The following QTMAN variants were observed in gnomAD, a reference collection of about 807,000 sequenced individuals.
The protein encoded by QTMAN is queuosine-tRNA mannosyltransferase, also known as tRNA-queuosine alpha-mannosyltransferase.
the QTMAN span, among the ~76,000 whole-genome samples, chr2:144,082,306 T>C: frequency 3.3e-5 from 5 of 152,218 alleles, no homozygotes; most frequent in African/African-American, 1.2e-4. Context: ...AGCTCAGTGC[T>C]CGTGTGGATG....
the QTMAN span, among the ~76,000 whole-genome samples, chr2:144,134,309 T>A: frequency 6.6e-6 from 1 of 152,182 alleles, no homozygotes; most frequent in African/African-American, 2.4e-5. Flanking sequence ...TATTTCTGTT[T>A]CTAAATTAGT....
chr2:144,039,414 G>A, the QTMAN span, among the ~76,000 whole-genome samples: 4 of 152,064 alleles, frequency 2.6e-5, no homozygotes, highest in African/African-American at 7.2e-5. Flanking sequence ...CTTGGTGAAC[G>A]TTAGGATGAG....
At chr2:144,294,186 T>C in the QTMAN span, among the ~76,000 whole-genome samples, 31 of 152,212 alleles carry the variant, frequency 2.0e-4, no homozygotes, top group Admixed American at 4.6e-4. Flanking sequence ...GTTAAATGAC[T>C]GTATGCATTA....
At chr2:144,196,197 G>A in the QTMAN span, among the ~76,000 whole-genome samples, 1 of 147,232 alleles carries the variant, frequency 6.8e-6, no homozygotes, top group Non-Finnish European at 1.5e-5. Flanking sequence ...ACATGTGCAC[G>A]TGCATGCACA....
At chr2:143,987,441 C>G in the QTMAN span, among the ~76,000 whole-genome samples, 1 of 152,200 alleles carries the variant, frequency 6.6e-6, no homozygotes, top group Non-Finnish European at 1.5e-5. Flanking sequence ...CTAATGGAAT[C>G]CCTCTTTCAA....
chr2:144,092,597 T>C, the QTMAN span, among the ~76,000 whole-genome samples: 5 of 152,214 alleles, frequency 3.3e-5, no homozygotes, highest in Non-Finnish European at 4.4e-5. Flanking sequence ...GCAATAGTTT[T>C]AGTCATTTTG....
chr2:144,004,559 A>C, the QTMAN span, among the ~76,000 whole-genome samples: 1 of 152,062 alleles, frequency 6.6e-6, no homozygotes, highest in Non-Finnish European at 1.5e-5. Context: ...TCTCCTAAAG[A>C]AAATATAGGC....
chr2:144,130,092 GA>G, the QTMAN span, among the ~76,000 whole-genome samples: 12,154 of 118,068 alleles, frequency 0.1, 572 homozygotes, highest in East Asian at 0.19. Context: ...CTAATTTCTG[GA>G]AAAAAAAAAA....
the QTMAN span, among the ~76,000 whole-genome samples, chr2:143,987,637 T>C: frequency 3.3e-5 from 5 of 152,252 alleles, no homozygotes; most frequent in Non-Finnish European, 7.3e-5. Context: ...ATTTGTTTAA[T>C]GTGCTTCCTC....
chr2:143,953,587 T>C, the QTMAN span, among the ~76,000 whole-genome samples: 1,106 of 151,956 alleles, frequency 7.3e-3, 4 homozygotes, highest in Non-Finnish European at 0.013. Context: ...TACGTCACAG[T>C]AGAAGGGTTA....
chr2:143,968,278 T>C, the QTMAN span, among the ~76,000 whole-genome samples: 3 of 152,312 alleles, frequency 2.0e-5, no homozygotes, highest in South Asian at 6.2e-4. Flanking sequence ...TCCCTTCCTG[T>C]GGGCTTCCAC....
the QTMAN span, among the ~76,000 whole-genome samples, chr2:144,146,932 C>T: frequency 6.6e-6 from 1 of 151,858 alleles, no homozygotes. Context: ...CTTTTCATTA[C>T]ACCACAGATA....
At chr2:144,265,117 T>C in the QTMAN span, among the ~76,000 whole-genome samples, 1 of 152,232 alleles carries the variant, frequency 6.6e-6, no homozygotes, top group Non-Finnish European at 1.5e-5. Flanking sequence ...TATAAATATA[T>C]AGATATCCAT....
the QTMAN span, among the ~76,000 whole-genome samples, chr2:144,114,652 A>G: frequency 6.6e-6 from 1 of 152,002 alleles, no homozygotes; most frequent in East Asian, 1.9e-4. Context: ...GTTTTATGGG[A>G]GTGTGTTGTA....
At chr2:144,053,637 C>A in the QTMAN span, among the ~76,000 whole-genome samples, 1 of 152,148 alleles carries the variant, frequency 6.6e-6, no homozygotes, top group South Asian at 2.1e-4. Context: ...CAGAATAAAT[C>A]ATTTGTGGTT....
At chr2:144,246,499 G>A in the QTMAN span, among the ~76,000 whole-genome samples, 122 of 149,484 alleles carry the variant, frequency 8.2e-4, no homozygotes, top group African/African-American at 2.9e-3. Flanking sequence ...CGTGAACCCG[G>A]GAAGCGGAGC....
the QTMAN span, among the ~76,000 whole-genome samples, chr2:144,194,922 AG>A: frequency 6.6e-6 from 1 of 152,208 alleles, no homozygotes; most frequent in African/African-American, 2.4e-5. Context: ...CATTTTAAAA[AG>A]TAAAACTAAA....
chr2:144,060,415 C>A, the QTMAN span, among the ~76,000 whole-genome samples: 1 of 152,120 alleles, frequency 6.6e-6, no homozygotes, highest in African/African-American at 2.4e-5. Context: ...CGCCTGGCAC[C>A]ACGCCCAGCT....
At chr2:144,158,404 G>A in the QTMAN span, among the ~76,000 whole-genome samples, 1 of 152,066 alleles carries the variant, frequency 6.6e-6, no homozygotes, top group South Asian at 2.1e-4. Flanking sequence ...ACTTTCAACA[G>A]CAGGTAGTGG....
Sources: gnomAD v4.1 joint callset for allele counts (sites outside exome capture counted in the v4.1 genomes callset) on GRCh38, gnomAD v4.1.1 for gene constraint, MANE v1.5 for transcripts, NCBI Gene and HGNC (gene_info 2026-07-23, HGNC 2026-07-21) for gene names.